The following HNF1A variants were observed in gnomAD, a reference collection of about 807,000 sequenced individuals.
HNF1A encodes the protein hepatocyte nuclear factor 1-alpha.
In HNF1A, 21 loss-of-function variants were observed where a neutral mutation model predicts 62.2. The observed-to-expected ratio is 0.34, with a 90% CI of 0.24 to 0.49. The LOEUF (loss-of-function observed/expected upper bound fraction) is 0.49, where lower values mean the gene tolerates loss of function less well. Ranked by LOEUF, HNF1A falls within the 20% of genes least tolerant of loss-of-function variation. HNF1A has a pLI of 0.99. For missense variants in HNF1A, 687 were observed against 832.3 expected, an observed-to-expected ratio of 0.83 and a Z score of 2.15; for synonymous variants, 374 against 366.8, an observed-to-expected ratio of 1.02 and a Z score of -0.22.
At position 120,996,336 on chromosome 12, in the gene HNF1A, G is replaced by C. The variant is rs767616383; in HGVS notation, c.1030G>C (p.Val344Leu). 7.4e-6 allele frequency: 12 copies of C among 1,614,188 alleles called. No individual in the cohort carries two copies. Among genetic ancestry groups the C allele is most frequent in the Non-Finnish European group, 1.0e-5 (12 of 1,180,038 alleles). ...AAGCAGCGGCGGTCCCTTAGTGACA[G>C]TGTCTACACCCCTCCACCAAGTGTC... ...PSSSGGPLVTVSTPLHQVSPT... is the reference protein window; with the variant it reads ...PSSSGGPLVTLSTPLHQVSPT... The change falls in exon 5 of 10, where the codon GTG becomes CTG. Residue 344 changes from valine (V) to leucine (L), a missense_variant. By Grantham distance (32) the Val-to-Leu change is conservative (BLOSUM62 1). This residue lies in a region of HNF1A where 408 missense variants were observed against 455.3 expected (regional missense o/e 0.90). Transcript: ENST00000257555. This position sits in a 1 kb window ranked among gnomAD's most constrained non-coding sequence, Gnocchi z 4.5.
chr12:120,998,775 T>C (rs1877252476), intron 7 of HNF1A, among the ~76,000 whole-genome samples: 1 of 152,212 alleles, frequency 6.6e-6, no homozygotes, highest in Non-Finnish European at 1.5e-5. Flanking sequence ...TGCTGTCCTC[T>C]GCCTTGCTCT....
In HNF1A at chr12:120,979,072, G is replaced by T; in HGVS notation, c.304G>T (p.Ala102Ser). Residue 102 changes from alanine (A) to serine (S), a missense_variant, in exon 1 of 10, where the codon GCC becomes TCC. By Grantham distance (99) the Ala-to-Ser change is moderately conservative. Coordinates refer to ENST00000257555, the MANE Select transcript of HNF1A (RefSeq NM_000545.8). ...LSPEEAAHQK[A>S]VVETLLQEDP... is the part of the protein sequence containing the mutation. ...CCCTGAGGAGGCGGCCCACCAGAAA[G>T]CCGTGGTGGAGACCCTTCTGCAGTA... 1.2e-6 allele frequency: 2 copies of T among 1,611,020 alleles called. No homozygotes were observed. Among genetic ancestry groups the T allele is most frequent in the East Asian group, 2.2e-5 (1 of 44,820 alleles).
At chr12:120,999,770 G>C (rs1207113757) in intron 9 of HNF1A, 143 bp downstream of exon 9, 1 of 1,168,458 alleles carries the variant, frequency 8.6e-7, no homozygotes, top group African/African-American at 1.6e-5. Context: ...GGCAGGCGTG[G>C]AGGGGTGGGG....
At chr12:120,997,801 T>C (rs1264462723) in intron 7 of HNF1A, 136 bp downstream of exon 7, 1 of 931,046 alleles carries the variant, frequency 1.1e-6, no homozygotes, top group East Asian at 2.6e-5. Context: ...TGATTGAGGG[T>C]GTCTGCAGGC....
At chr12:120,996,000 T>C (rs1036260939) in intron 4 of HNF1A, among the ~76,000 whole-genome samples, 2 of 152,242 alleles carry the variant, frequency 1.3e-5, no homozygotes, top group African/African-American at 4.8e-5. Context: ...TGTCTTCTAC[T>C]GAGCACCTAC....
At position 120,996,470 on chromosome 12, in the gene HNF1A, T is replaced by G; in HGVS notation, c.1107+57T>G. The stretch of plus-strand genomic sequence containing the variant: ...CCTCATCTTTCCTTGGCAGGGAGAT[T>G]CTGGAGCAGTCCCTAGGGAGGCCCT... On this transcript the variant is annotated intron_variant, in intron 5 of 9. Transcript: ENST00000257555. The surrounding 1 kb of genome is among the most constrained non-coding windows in gnomAD (Gnocchi z 4.5). The G allele has an allele frequency of 6.2e-7, 1 of 1,613,710 alleles. No individual in the cohort carries two copies. The highest frequency in any genetic ancestry group is 8.5e-7 in the Non-Finnish European group (1 of 1,179,938).
At chr12:120,985,576 G>A (rs1297691211) in intron 1 of HNF1A, among the ~76,000 whole-genome samples, 2 of 152,012 alleles carry the variant, frequency 1.3e-5, no homozygotes, top group Non-Finnish European at 2.9e-5. Flanking sequence ...GGAGTCCGAG[G>A]TGGGAGAACC....
chr12:120,988,422 A>ATCCATCCG (rs1876635567), intron 1 of HNF1A, among the ~76,000 whole-genome samples: 1 of 151,194 alleles, frequency 6.6e-6, no homozygotes. Flanking sequence ...TCGCCCATCC[A>ATCCATCCG]TCCATCCACC....
At chr12:120,994,726 G>A (rs551163150) in intron 4 of HNF1A, among the ~76,000 whole-genome samples, 11 of 126,428 alleles carry the variant, frequency 8.7e-5, no homozygotes, top group East Asian at 2.5e-4. Flanking sequence ...ACTCCACTCC[G>A]TCCAACTTCA....
intron 2 of HNF1A, among the ~76,000 whole-genome samples, chr12:120,991,849 G>T (rs1593057114): frequency 6.6e-6 from 1 of 152,190 alleles, no homozygotes; most frequent in Non-Finnish European, 1.5e-5. Flanking sequence ...GAGAGAAATA[G>T]TGTTCTCCTA....
rs528848459 is a variant in HNF1A at position 120,987,452 on chromosome 12, G to A, written c.327-1381G>A. Among the ~76,000 whole-genome samples the A allele has an allele frequency of 1.6e-3, 240 of 146,494 alleles. 3 individuals are homozygous for A. The highest frequency in any genetic ancestry group is 5.8e-3 in the African/African-American group (232 of 39,660). ...ATCGCGCCACTGCACTCGAGCCTGG[G>A]TGACAGAGTGAGACTCCATCTCAAA... On this transcript the variant is annotated intron_variant, in intron 1 of 9. Transcript: ENST00000257555.
intron 1 of HNF1A, among the ~76,000 whole-genome samples, chr12:120,984,414 G>A (rs547529681): frequency 1.3e-5 from 2 of 152,038 alleles, no homozygotes; most frequent in Non-Finnish European, 2.9e-5. Context: ...GAAAATCTTT[G>A]GTTTGAGCCC....
rs1395103510 is a variant in HNF1A, at chr12:120,996,526, G to A, written c.1108-15G>A. 2.3e-5 allele frequency: 37 copies of A among 1,613,222 alleles called. No homozygotes were observed. Among genetic ancestry groups the A allele is most frequent in the Admixed American group, 3.3e-5 (2 of 59,956 alleles). On this transcript the variant is annotated splice_polypyrimidine_tract_variant and intron_variant, in intron 5 of 9. Coordinates refer to ENST00000257555, the MANE Select transcript of HNF1A (RefSeq NM_000545.8). This position sits in a 1 kb window ranked among gnomAD's most constrained non-coding sequence, Gnocchi z 4.5. ...GACCCCGGCCCCCCGGACACAGCTT[G>A]GCTTCCCCTCGTAGGTCTCAGCAGC...
At position 121,002,122 on chromosome 12, in the gene HNF1A, C is replaced by T. The variant is rs1399553089; in HGVS notation, c.*930C>T. 1.5e-5 allele frequency: 8 copies of T among 529,874 alleles called. No homozygotes were observed. Among genetic ancestry groups the T allele is most frequent in the Admixed American group, 2.3e-5 (1 of 43,830 alleles). The allele number at this position is 529,874 out of a possible 1,614,324, so 32.8% of individuals were successfully genotyped here. A position where few individuals can be genotyped will look rare whatever the true frequency, so the allele number is the denominator to read the frequency against. On this transcript the variant is annotated 3_prime_UTR_variant, in exon 10 of 10. Coordinates refer to ENST00000257555, the MANE Select transcript of HNF1A (RefSeq NM_000545.8). ...GCTGAGCTCACAAGGCAGCAAGGCC[C>T]GAGCAGCTGAGCAGGGCCGGGGAAC...
At chr12:120,992,653 G>A (rs1565885239) in intron 2 of HNF1A, among the ~76,000 whole-genome samples, 1 of 152,284 alleles carries the variant, frequency 6.6e-6, no homozygotes, top group East Asian at 1.9e-4. Context: ...CTCCCAGCCT[G>A]GTGTGGTTGT....
rs111496016 is a variant in HNF1A, at chr12:120,990,634, A to G, written c.526+1602A>G. Among the ~76,000 whole-genome samples, 939 of 110,934 alleles carry G rather than the reference A, an allele frequency of 8.5e-3. 7 individuals are homozygous for G. The highest frequency in any genetic ancestry group is 0.026 in the African/African-American group (746 of 28,430). The allele number at this position is 110,934 out of a possible 152,430, so 72.8% of individuals were successfully genotyped here. ...AGGAAAGATAGGAAAGGGAGGAAAG[A>G]TAGGAAAGGGAGGAAAGGTAGGAAA... is the stretch of plus-strand genomic sequence containing the variant. On this transcript the variant is annotated intron_variant, in intron 2 of 9. Transcript: ENST00000257555.
intron 2 of HNF1A, among the ~76,000 whole-genome samples, chr12:120,990,633 G>GGT (rs1876779493): frequency 1.8e-5 from 2 of 110,044 alleles, no homozygotes; most frequent in African/African-American, 3.0e-5. Context: ...AGGGAGGAAA[G>GGT]ATAGGAAAGG....
chr12:121,002,350 C>T lies in HNF1A; in HGVS notation c.*1158C>T. On this transcript the variant is annotated 3_prime_UTR_variant, in exon 10 of 10. Transcript: ENST00000257555. The stretch of plus-strand genomic sequence containing the variant: ...CCCAGGACAAGCATGGTCCCACATC[C>T]CTGGGCCTGCTGCTGAGAACCTGGC... The T allele has an allele frequency of 2.1e-6, 1 of 484,502 alleles. No homozygotes were observed. Among genetic ancestry groups the T allele is most frequent in the Non-Finnish European group, 4.0e-6 (1 of 252,880 alleles). 30.0% of individuals were successfully genotyped at this position (484,502 alleles called of 1,614,324 possible). A position where few individuals can be genotyped will look rare whatever the true frequency, so the allele number is the denominator to read the frequency against.
rs2464196 is a variant in HNF1A, at chr12:120,997,624, G to A, written c.1460G>A (p.Ser487Asn). The part of the protein sequence containing the change: ...MPPVQSHVTQ[S>N]PFMATMAQLQ... ...CCTGTGCAGAGCCATGTGACCCAGA[G>A]CCCCTTCATGGCCACCATGGCTCAG... is the stretch of plus-strand genomic sequence containing the variant. The change falls in exon 7 of 10, where the codon AGC becomes AAC. Residue 487 changes from serine to asparagine, a missense_variant. Around this residue, in one of 5 missense-constraint regions of HNF1A, gnomAD observed 408 missense variants for 455.3 expected, o/e 0.90. Transcript: ENST00000257555. 497,531 of 1,612,298 alleles carry A rather than the reference G, an allele frequency of 0.31. 80,461 individuals are homozygous for A. Among genetic ancestry groups the A allele is most frequent in the East Asian group, 0.52 (23,232 of 44,778 alleles).
Sources: allele counts gnomAD v4.1 joint callset (sites outside exome capture counted in the v4.1 genomes callset), GRCh38; gene constraint gnomAD v4.1.1; regional missense constraint gnomAD v4.1.1; non-coding constraint Gnocchi (gnomAD v3.1); transcripts MANE v1.5; gene names NCBI Gene and HGNC (gene_info 2026-07-23, HGNC 2026-07-21).